Variants in ZNF850 observed in about 807,000 individuals in gnomAD.
ZNF850 encodes zinc finger protein 850.
ZNF850 carries 2 observed loss-of-function variants against 11.9 expected under a neutral mutation model. The observed-to-expected ratio is 0.17, with a 90% CI of 0.07 to 0.53. The LOEUF (loss-of-function observed/expected upper bound fraction) is 0.53, where lower values mean the gene tolerates loss of function less well. ZNF850 is among the 20% of genes least tolerant of loss of function. The pLI is 0.94. For missense variants in ZNF850, 1,014 were observed against 1,316.4 expected (o/e 0.77, Z 3.55); for synonymous variants, 381 against 443.0 (o/e 0.86, Z 1.76).
At position 36,750,115 on chromosome 19, in the gene ZNF850, A is replaced by C; in HGVS notation, c.925T>G (p.Tyr309Asp). The stretch of plus-strand genomic sequence containing the variant: ...GATTTTCCACATTGCTTACAATGAT[A>C]GGGTTTCTCACCAGTGTGAATTTGC... ...HQQIHTGEKP[Y>D]HCKQCGKSFT... Residue 309 changes from tyrosine (Y) to aspartate (D), a missense_variant, in exon 5 of 5, where the codon TAT (tyrosine) becomes GAT (aspartate). Coordinates refer to ENST00000591344, the MANE Select transcript of ZNF850 (RefSeq NM_001193552.2). The C allele has an allele frequency of 6.5e-7, 1 of 1,538,614 alleles. No individual in the cohort carries two copies. Among genetic ancestry groups the C allele is most frequent in the Non-Finnish European group, 8.7e-7 (1 of 1,147,000 alleles).
intron 1 of ZNF850, among the ~76,000 whole-genome samples, chr19:36,765,939 C>T (rs2040546945): frequency 2.0e-5 from 3 of 150,504 alleles, no homozygotes; most frequent in Admixed American, 6.6e-5. Flanking sequence ...CCCAGGCTAG[C>T]GTGCAGTGAG....
Position 36,750,762 on chromosome 19 carries a change from T to G in ZNF850, c.278A>C (p.Lys93Thr). 6.6e-7 allele frequency: 1 copy of G among 1,525,672 alleles called. No homozygotes were observed. Among genetic ancestry groups the G allele is most frequent in the Non-Finnish European group, 8.8e-7 (1 of 1,141,074 alleles). 94.5% of individuals were successfully genotyped at this position (1,525,672 alleles called of 1,614,324 possible). A position where few individuals can be genotyped will look rare whatever the true frequency, so the allele number is the denominator to read the frequency against. The change falls in exon 5 of 5, where the codon AAA (lysine) becomes ACA (threonine). Residue 93 changes from lysine to threonine, a missense_variant. Transcript: ENST00000591344. ...RCKTKDSCLP[K>T]EIYEVTSSQW... ...AGATGATGTTACTTCATAGATTTCT[T>G]TTGGCAAACATGAATCTTTGGTCTT...
intron 4 of ZNF850, among the ~76,000 whole-genome samples, chr19:36,759,566 A>G (rs2040506417): frequency 6.6e-6 from 1 of 152,206 alleles, no homozygotes; most frequent in Non-Finnish European, 1.5e-5. Flanking sequence ...AGTTAAGGGA[A>G]GGTGCAGAGG....
At position 36,748,288 on chromosome 19, in the gene ZNF850, T is replaced by C. The variant is rs773709025; in HGVS notation, c.2752A>G (p.Ile918Val). 6.4e-7 allele frequency: 1 copy of C among 1,566,948 alleles called. No individual in the cohort carries two copies. Among genetic ancestry groups the C allele is most frequent in the South Asian group, 1.2e-5 (1 of 86,062 alleles). Residue 918 changes from isoleucine to valine, a missense_variant, in exon 5 of 5, where the codon ATC (isoleucine) becomes GTC (valine). Physicochemically the swap from Ile to Val is conservative, Grantham distance 29. This residue lies in a region of ZNF850 where 179 missense variants were observed against 294.4 expected (regional missense o/e 0.61). Coordinates refer to ENST00000591344, the MANE Select transcript of ZNF850 (RefSeq NM_001193552.2). ...CGATAAGGTTTCTCACCAGTATGGA[T>C]TCGTTGATGTTGAGTAAGTTTTGAA... is the stretch of plus-strand genomic sequence containing the variant. ...RRSKLTQHQR[I>V]HTGEKPYRCH...
chr19:36,758,091 A>G (rs1737150610), intron 4 of ZNF850, among the ~76,000 whole-genome samples: 1 of 152,178 alleles, frequency 6.6e-6, no homozygotes, highest in Non-Finnish European at 1.5e-5. Context: ...TTCATGAACC[A>G]TCTGTTGAAA....
rs538044672 is a variant in ZNF850 at position 36,772,244 on chromosome 19, G to A, written c.-70+481C>T. ...TTTCAGGCTGTTTCTCTGTTTAAAG[G>A]ACTTTTACCAAGGTCCCACCCTAAC... On this transcript the variant is annotated intron_variant, in intron 1 of 4. Transcript: ENST00000591344. Among the ~76,000 whole-genome samples, 597 of 152,192 alleles carry A rather than the reference G, an allele frequency of 3.9e-3. 1 individual carries two copies. Among genetic ancestry groups the A allele is most frequent in the Non-Finnish European group, 6.4e-3 (437 of 68,018 alleles).
intron 4 of ZNF850, among the ~76,000 whole-genome samples, chr19:36,758,248 A>G (rs826972): frequency 0.82 from 124,291 of 152,168 alleles, 51,548 homozygotes; most frequent in Non-Finnish European, 0.88. Flanking sequence ...GCTTTGCCCT[A>G]CTATCAGAGA....
In ZNF850 at chr19:36,743,542, C is replaced by T. The variant is rs1490411765; in HGVS notation, c.*4225G>A. 6.6e-6 allele frequency: 1 copy of T among 152,118 alleles called. No individual in the cohort carries two copies. Among genetic ancestry groups the T allele is most frequent in the Non-Finnish European group, 1.5e-5 (1 of 68,024 alleles). 9.4% of individuals were successfully genotyped at this position (152,118 alleles called of 1,614,324 possible). On this transcript the variant is annotated 3_prime_UTR_variant, in exon 5 of 5. Coordinates refer to ENST00000591344, the MANE Select transcript of ZNF850 (RefSeq NM_001193552.2). Reference sequence around the variant, plus strand: ...CCAACATCTCTTTAGACAATTCAATCTCATGAAGAAACCATTTCATCTACT... The same window carrying T: ...CCAACATCTCTTTAGACAATTCAATTTCATGAAGAAACCATTTCATCTACT...
At chr19:36,770,039 GA>G (rs1486303636) in intron 1 of ZNF850, among the ~76,000 whole-genome samples, 56 of 152,298 alleles carry the variant, frequency 3.7e-4, no homozygotes, top group African/African-American at 1.3e-3. Flanking sequence ...AGACCTCAGG[GA>G]AACACATTTA....
intron 1 of ZNF850, among the ~76,000 whole-genome samples, chr19:36,770,821 TCA>T (rs1049561737): frequency 7.3e-6 from 1 of 137,098 alleles, no homozygotes; most frequent in African/African-American, 2.7e-5. Context: ...TTTGAGAAAA[TCA>T]CAGAACCGTA....
rs61386433 is a variant in ZNF850 at position 36,748,914 on chromosome 19, G to C, written c.2126C>G (p.Ser709Cys). The stretch of plus-strand genomic sequence containing the variant: ...AATTAGTCCTGAGCAGAAAGTAAAA[G>C]ATTTCCCACATTCTTTACATTCATA... ...KPYECKECGK[S>C]FTFCSGLIQH... The change falls in exon 5 of 5, where the codon TCT (serine) becomes TGT (cysteine). Residue 709 changes from serine (S) to cysteine (C), a missense_variant. Physicochemically the swap from Ser to Cys is moderately radical, Grantham distance 112. Transcript: ENST00000591344. 6.4e-7 allele frequency: 1 copy of C among 1,566,002 alleles called. No individual in the cohort carries two copies. The highest frequency in any genetic ancestry group is 1.4e-5 in the African/African-American group (1 of 73,552).
Position 36,745,221 on chromosome 19 carries a change from T to C in ZNF850, c.*2546A>G, listed in dbSNP as rs1369939525. 2 of 152,056 alleles carry C rather than the reference T, an allele frequency of 1.3e-5. No individual in the cohort carries two copies. Among genetic ancestry groups the C allele is most frequent in the Non-Finnish European group, 2.9e-5 (2 of 68,018 alleles). 9.4% of individuals were successfully genotyped at this position (152,056 alleles called of 1,614,324 possible). On this transcript the variant is annotated 3_prime_UTR_variant, in exon 5 of 5. Transcript: ENST00000591344. ...TGTATATAAATCATCCATAAGCATA[T>C]TAGTAAAAGTACAAATCAACAGATA...
chr19:36,756,311 T>C (rs768774169), intron 4 of ZNF850, among the ~76,000 whole-genome samples: 1 of 152,196 alleles, frequency 6.6e-6, no homozygotes, highest in Non-Finnish European at 1.5e-5. Flanking sequence ...TATTTGCAAA[T>C]GTTTACTTCT....
intron 4 of ZNF850, among the ~76,000 whole-genome samples, chr19:36,753,576 ACG>A (rs748329345): frequency 5.9e-5 from 9 of 151,756 alleles, no homozygotes; most frequent in Non-Finnish European, 1.2e-4. Flanking sequence ...CTGGGTGACC[ACG>A]GGAGAACCTG....
intron 4 of ZNF850, among the ~76,000 whole-genome samples, chr19:36,751,827 T>C (rs961393949): frequency 2.0e-5 from 3 of 152,016 alleles, no homozygotes; most frequent in African/African-American, 4.8e-5. Flanking sequence ...AACAATGTTA[T>C]TATTTAATAG....
chr19:36,762,904 G>A (rs1304334624), intron 1 of ZNF850, among the ~76,000 whole-genome samples: 2 of 145,150 alleles, frequency 1.4e-5, no homozygotes, highest in South Asian at 2.2e-4. Flanking sequence ...TTTTGTTTTC[G>A]TTTTGAGACA....
rs1042309267 is a variant in ZNF850 at position 36,754,968 on chromosome 19, CAT to C, written c.236-4166_236-4165del. On this transcript the variant is annotated intron_variant, in intron 4 of 4. Coordinates refer to ENST00000591344, the MANE Select transcript of ZNF850 (RefSeq NM_001193552.2). ...AAATTAACAAGCATGATATGTTGAA[CAT>C]GTGAGAATTCTACACGCAGCAATTA... Among the ~76,000 whole-genome samples, 40 of 152,248 alleles carry C rather than the reference CAT, an allele frequency of 2.6e-4. No homozygotes were observed. The South Asian group carries it at 4.4e-3, about 17-fold the overall frequency.
Position 36,748,615 on chromosome 19 carries a change from C to T in ZNF850, c.2425G>A (p.Gly809Ser). Residue 809 changes from glycine (G) to serine (S), a missense_variant, in exon 5 of 5, where the codon GGT (glycine) becomes AGT (serine). Transcript: ENST00000591344. ...TLIQHQPLHT[G>S]EKPYHCKECG... is the part of the protein sequence containing the mutation. ...TCCTTGCAATGATAAGGTTTCTCAC[C>T]AGTGTGAAGTGGCTGATGTTGAATT... is the stretch of plus-strand genomic sequence containing the variant. 5 of 1,537,206 alleles carry T rather than the reference C, an allele frequency of 3.3e-6. No homozygotes were observed. The highest frequency in any genetic ancestry group is 4.4e-6 in the Non-Finnish European group (5 of 1,146,926).
chr19:36,762,486 T>A (rs1600614152), intron 2 of ZNF850, 55 bp from the exon 3 acceptor site: 2 of 1,530,128 alleles, frequency 1.3e-6, no homozygotes, highest in Non-Finnish European at 1.7e-6. Context: ...GTTTTTAAGA[T>A]GAAGGAAGAG....
Sources: allele counts gnomAD v4.1 joint callset (sites outside exome capture counted in the v4.1 genomes callset), GRCh38; gene constraint gnomAD v4.1.1; regional missense constraint gnomAD v4.1.1; transcripts MANE v1.5; gene names NCBI Gene and HGNC (gene_info 2026-07-23, HGNC 2026-07-21).